The following SMG6 variants were observed in gnomAD, a reference collection of about 807,000 sequenced individuals.
The protein encoded by SMG6 is SMG6 nonsense mediated mRNA decay factor.
SMG6 carries 66 observed loss-of-function variants against 142.2 expected under a neutral mutation model. That is an observed-to-expected ratio of 0.46 (90% confidence interval 0.38 to 0.57). The LOEUF (loss-of-function observed/expected upper bound fraction) is 0.57. Among genes scored for constraint, SMG6 ranks in the 20% least tolerant of loss-of-function variants. The probability of loss-of-function intolerance (pLI) is 0.00; values close to 1 mark genes in which losing one functional copy is unlikely to be tolerated. For missense variants in SMG6, 1,793 were observed against 1,832.0 expected (o/e 0.98, Z 0.39); for synonymous variants, 779 against 702.4 (o/e 1.11, Z -1.72).
intron 8 of SMG6, among the ~76,000 whole-genome samples, chr17:2,270,787 G>A (rs114178521): frequency 0.012 from 1,760 of 152,296 alleles, 33 homozygotes; most frequent in African/African-American, 0.031. Flanking sequence ...CCCAGGGGGC[G>A]TCAAATTAAT....
chr17:2,242,743 T>C (rs1759302179), intron 9 of SMG6, among the ~76,000 whole-genome samples: 1 of 135,758 alleles, frequency 7.4e-6, no homozygotes, highest in South Asian at 2.6e-4. Context: ...AGGAGTACCA[T>C]CAACTGTCAC....
At chr17:2,231,557 C>A (rs139918640) in intron 10 of SMG6, among the ~76,000 whole-genome samples, 2 of 152,016 alleles carry the variant, frequency 1.3e-5, no homozygotes, top group Admixed American at 6.6e-5. Flanking sequence ...CTTAGCCAGG[C>A]GTGGTGGTGG....
chr17:2,271,574 G>C (rs886165677), intron 8 of SMG6, among the ~76,000 whole-genome samples: 1 of 152,060 alleles, frequency 6.6e-6, no homozygotes, highest in Non-Finnish European at 1.5e-5. Flanking sequence ...AATTAGCTGG[G>C]CATGATGGCG....
intron 9 of SMG6, among the ~76,000 whole-genome samples, chr17:2,243,431 A>T (rs897697081): frequency 1.3e-5 from 2 of 152,194 alleles, no homozygotes; most frequent in Non-Finnish European, 2.9e-5. Flanking sequence ...CTGTAATCCC[A>T]GCACTTTGGG....
intron 13 of SMG6, chr17:2,088,507 TAGGACA>T (rs2068626544): frequency 1.0e-6 from 1 of 985,298 alleles, no homozygotes; most frequent in African/African-American, 1.7e-5. Flanking sequence ...GTTCCTTCTC[TAGGACA>T]AGGACAACTG....
In SMG6 at chr17:2,137,408, G is replaced by A. The variant is rs535091477; in HGVS notation, c.3357+35250C>T. On this transcript the variant is annotated intron_variant, in intron 13 of 18. Transcript: ENST00000263073. ...CTGCTATTCAGGTGCTCATGTTTTC[G>A]ATGTGAGCCAAAGTGTCATTCCTTA... Among the ~76,000 whole-genome samples the A allele has an allele frequency of 7.2e-5, 11 of 152,140 alleles. No homozygotes were observed. The East Asian group carries it at 1.2e-3, about 16-fold the overall frequency.
chr17:2,078,069 A>G (rs968130872), intron 15 of SMG6, among the ~76,000 whole-genome samples: 6 of 152,118 alleles, frequency 3.9e-5, no homozygotes, highest in Non-Finnish European at 5.9e-5. Context: ...TCAGGAAGAG[A>G]ATGATGGAGG....
intron 6 of SMG6, among the ~76,000 whole-genome samples, chr17:2,287,378 T>A (rs899710450): frequency 6.6e-6 from 1 of 152,096 alleles, no homozygotes; most frequent in African/African-American, 2.4e-5. Flanking sequence ...ATGGCTACTA[T>A]CAGAAATGCA....
intron 13 of SMG6, among the ~76,000 whole-genome samples, chr17:2,119,218 C>T (rs1226839430): frequency 3.9e-5 from 6 of 152,004 alleles, no homozygotes; most frequent in South Asian, 2.1e-4. Flanking sequence ...CCACCACGCC[C>T]GGCTAATTTT....
chr17:2,245,047 C>T, intron 8 of SMG6: 1 of 274,990 alleles, frequency 3.6e-6, no homozygotes, highest in Non-Finnish European at 6.9e-6. Flanking sequence ...CTAGGAGCCA[C>T]TCCGGCTCCA....
chr17:2,209,816 T>TA (rs1314237708), intron 10 of SMG6, among the ~76,000 whole-genome samples: 1 of 152,176 alleles, frequency 6.6e-6, no homozygotes, highest in Admixed American at 6.5e-5. Context: ...GCTCTATTTG[T>TA]AAAAATATAT....
chr17:2,163,416 G>A (rs1456428675), intron 13 of SMG6, among the ~76,000 whole-genome samples: 2 of 152,150 alleles, frequency 1.3e-5, no homozygotes, highest in Non-Finnish European at 2.9e-5. Context: ...CTGGGCTCAG[G>A]TGATCCTCCC....
Position 2,144,070 on chromosome 17 carries a change from T to TTG in SMG6, c.3357+28587_3357+28588insCA, listed in dbSNP as rs1555543843. 2.8e-5 allele frequency among the ~76,000 whole-genome samples: 4 copies of TTG among 145,410 alleles called. No individual in the cohort carries two copies. In the South Asian group the frequency reaches 7.1e-4, roughly 26 times the overall value. Reference sequence around the variant, plus strand: ...GCCGCTTTTTTTTTTTTTTTTTTTTTTTTTTGAGATGCAGTTTCACTCTTG... The same window carrying TTG: ...GCCGCTTTTTTTTTTTTTTTTTTTTTTGTTTTTGAGATGCAGTTTCACTCTTG... On this transcript the variant is annotated intron_variant, in intron 13 of 18. Transcript: ENST00000263073.
At chr17:2,092,552 C>T (rs1272496127) in intron 13 of SMG6, among the ~76,000 whole-genome samples, 1 of 152,152 alleles carries the variant, frequency 6.6e-6, no homozygotes, top group Non-Finnish European at 1.5e-5. Context: ...GATGGCAAGA[C>T]CTGGTGCTGG....
intron 13 of SMG6, among the ~76,000 whole-genome samples, chr17:2,100,897 C>A (rs180746131): frequency 6.6e-6 from 1 of 152,098 alleles, no homozygotes; most frequent in African/African-American, 2.4e-5. Context: ...AGAGATCCCC[C>A]TGCTTCAGCC....
At chr17:2,301,491 A>T (rs969100934) in intron 1 of SMG6, among the ~76,000 whole-genome samples, 6 of 152,240 alleles carry the variant, frequency 3.9e-5, no homozygotes, top group African/African-American at 1.4e-4. Context: ...AGATTGTGAC[A>T]TACTCTCAAA....
chr17:2,136,023 T>C (rs1235783551), intron 13 of SMG6, among the ~76,000 whole-genome samples: 5 of 150,012 alleles, frequency 3.3e-5, no homozygotes, highest in African/African-American at 1.2e-4. Flanking sequence ...TGTGTGTGTG[T>C]GTGTGTGTGT....
At chr17:2,107,468 G>C (rs2069185758) in intron 13 of SMG6, among the ~76,000 whole-genome samples, 1 of 152,196 alleles carries the variant, frequency 6.6e-6, no homozygotes, top group Admixed American at 6.6e-5. Flanking sequence ...AGAACTAGTT[G>C]TTAGCTGCTA....
chr17:2,257,357 C>T (rs986999619), intron 8 of SMG6, among the ~76,000 whole-genome samples: 22 of 152,230 alleles, frequency 1.4e-4, no homozygotes, highest in African/African-American at 4.3e-4. Flanking sequence ...GGATTACAGG[C>T]GTGAGCCACT....
Sources: gnomAD v4.1 joint callset for allele counts (sites outside exome capture counted in the v4.1 genomes callset) on GRCh38, gnomAD v4.1.1 for gene constraint, MANE v1.5 for transcripts, NCBI Gene and HGNC (gene_info 2026-07-23, HGNC 2026-07-21) for gene names.